FOXP2: variants seen among roughly 807,000 people sequenced by gnomAD.
FOXP2 encodes forkhead box protein P2.
FOXP2 carries 12 observed loss-of-function variants against 115.8 expected under a neutral mutation model. The ratio of observed to expected loss-of-function variants is 0.10; its 90% CI spans 0.07 to 0.17. The LOEUF is 0.17. Ranked by LOEUF, FOXP2 falls within the 10% of genes least tolerant of loss-of-function variation. The pLI is 1.00. For synonymous variants in FOXP2, 328 were observed against 297.7 expected (o/e 1.10, Z -1.05); for missense variants, 629 against 843.5 (o/e 0.75, Z 3.15).
At chr7:114,255,499 C>T (rs966215125) in intron 1 of FOXP2, among the ~76,000 whole-genome samples, 2 of 152,184 alleles carry the variant, frequency 1.3e-5, no homozygotes. Context: ...TGCGGGGGCG[C>T]CCGTCCCTCA....
In FOXP2 at chr7:114,120,704, G is replaced by A. The variant is rs552142556; in HGVS notation, c.-247+32866G>A. Among the ~76,000 whole-genome samples, 10 of 151,930 alleles carry A rather than the reference G, an allele frequency of 6.6e-5. No homozygotes were observed. The South Asian group carries it at 8.3e-4, about 13-fold the overall frequency. On this transcript the variant is annotated intron_variant, in intron 1 of 19. Transcript: ENST00000635638. ...TGTGTGTGTGTGTATATGTATGTGT[G>A]TGTGTGTGTGTGTATATATATGTAC...
At chr7:114,449,631 C>G (rs543428429) in intron 2 of FOXP2, among the ~76,000 whole-genome samples, 59 of 152,200 alleles carry the variant, frequency 3.9e-4, no homozygotes, top group Non-Finnish European at 6.3e-4. Context: ...ATCTTGAATA[C>G]TCACCAGTAT....
At chr7:114,609,548 T>A (rs2129317429) in intron 3 of FOXP2, among the ~76,000 whole-genome samples, 1 of 152,360 alleles carries the variant, frequency 6.6e-6, no homozygotes, top group East Asian at 1.9e-4. Flanking sequence ...GTGCTTGTCA[T>A]CTTCGATATA....
At chr7:114,474,893 T>C (rs1796191517) in intron 2 of FOXP2, among the ~76,000 whole-genome samples, 1 of 152,100 alleles carries the variant, frequency 6.6e-6, no homozygotes, top group Non-Finnish European at 1.5e-5. Context: ...TACACTACTG[T>C]TTTTGAATTG....
At chr7:114,119,849 C>T (rs1005672689) in intron 1 of FOXP2, among the ~76,000 whole-genome samples, 1 of 152,124 alleles carries the variant, frequency 6.6e-6, no homozygotes, top group African/African-American at 2.4e-5. Flanking sequence ...ACCTGCAGAA[C>T]TTGTTACAAA....
At chr7:114,254,203 C>A (rs1245576214) in intron 1 of FOXP2, among the ~76,000 whole-genome samples, 1 of 152,170 alleles carries the variant, frequency 6.6e-6, no homozygotes, top group Non-Finnish European at 1.5e-5. Context: ...GTAACCCGAC[C>A]TTTCTCTCTG....
At chr7:114,408,209 G>A (rs1284609662) in intron 2 of FOXP2, among the ~76,000 whole-genome samples, 1 of 152,088 alleles carries the variant, frequency 6.6e-6, no homozygotes, top group African/African-American at 2.4e-5. Context: ...AAAACTAAAT[G>A]TAACATAGTT....
intron 2 of FOXP2, among the ~76,000 whole-genome samples, chr7:114,302,719 A>G (rs1324547950): frequency 2.6e-5 from 4 of 152,188 alleles, no homozygotes; most frequent in Non-Finnish European, 5.9e-5. Context: ...TAGAATAATC[A>G]TTCCATAAAT....
chr7:114,489,881 T>C (rs1322773013), intron 2 of FOXP2, among the ~76,000 whole-genome samples: 1 of 152,074 alleles, frequency 6.6e-6, no homozygotes, highest in Admixed American at 6.6e-5. Context: ...AACGAGATAT[T>C]GCTGTGTATC....
intron 2 of FOXP2, among the ~76,000 whole-genome samples, chr7:114,502,298 C>A (rs1414683649): frequency 2.6e-5 from 4 of 151,964 alleles, no homozygotes; most frequent in African/African-American, 9.7e-5. Context: ...AAAAAAGAAA[C>A]TGACAGTGTT....
Position 114,606,226 on chromosome 7 carries a change from C to T in FOXP2, c.259-22314C>T, listed in dbSNP as rs142108614. Among the ~76,000 whole-genome samples, 18 of 152,236 alleles carry T rather than the reference C, an allele frequency of 1.2e-4. 2 individuals are homozygous for T. In the East Asian group the frequency reaches 3.5e-3, roughly 29 times the overall value. ...GGATCTACAGTAAAAGAAACCGTTT[C>T]ACAGATTCAGAATCAAGCACTGAGT... On this transcript the variant is annotated intron_variant, in intron 3 of 16. Coordinates refer to ENST00000350908, the MANE Select transcript of FOXP2 (RefSeq NM_014491.4).
intron 8 of FOXP2, among the ~76,000 whole-genome samples, chr7:114,651,921 TCTA>T (rs1806279476): frequency 6.6e-6 from 1 of 152,180 alleles, no homozygotes; most frequent in African/African-American, 2.4e-5. Context: ...TAATATGACT[TCTA>T]CTATAACTCT....
rs568802058 is a variant in FOXP2 at position 114,446,184 on chromosome 7, G to A, written c.168+19505G>A. On this transcript the variant is annotated intron_variant, in intron 2 of 16. Coordinates refer to ENST00000350908, the MANE Select transcript of FOXP2 (RefSeq NM_014491.4). ...AGATGATGTCAAAGAAGTTTTATAG[G>A]CTTTGATAATTTAATTACAATTCTA... Among the ~76,000 whole-genome samples, 7 of 152,022 alleles carry A rather than the reference G, an allele frequency of 4.6e-5. No individual in the cohort carries two copies. In the East Asian group the frequency reaches 1.4e-3, roughly 29 times the overall value.
chr7:114,434,438 TG>T (rs11350392), intron 2 of FOXP2, among the ~76,000 whole-genome samples: 101,682 of 131,462 alleles, frequency 0.77, 39,643 homozygotes, highest in African/African-American at 0.9. Flanking sequence ...TTAATATATA[TG>T]GGGGGGGGGG....
chr7:114,629,628 G>A lies in FOXP2; in HGVS notation c.397-177G>A, dbSNP rs766408289. 1.1e-5 allele frequency: 17 copies of A among 1,580,866 alleles called. No individual in the cohort carries two copies. In the East Asian group the frequency reaches 3.6e-4, roughly 33 times the overall value. ...TTCTGGATTGGAAAATTTCAGAGCTGCCTTGGAAAAAAATGTATGTAGAGC... is the reference window on the plus strand; with the variant it reads ...TTCTGGATTGGAAAATTTCAGAGCTACCTTGGAAAAAAATGTATGTAGAGC... On this transcript the variant is annotated intron_variant, in intron 4 of 16. Coordinates refer to ENST00000350908, the MANE Select transcript of FOXP2 (RefSeq NM_014491.4).
intron 2 of FOXP2, among the ~76,000 whole-genome samples, chr7:114,432,718 T>C (rs1410682209): frequency 6.6e-6 from 1 of 151,932 alleles, no homozygotes; most frequent in African/African-American, 2.4e-5. Flanking sequence ...ATGAATTCTG[T>C]TTCAGAGTTA....
intron 1 of FOXP2, among the ~76,000 whole-genome samples, chr7:114,282,958 G>A (rs928991343): frequency 3.9e-5 from 6 of 152,112 alleles, no homozygotes; most frequent in African/African-American, 1.4e-4. Flanking sequence ...AGGCACTGCT[G>A]CCTCCTGAGA....
chr7:114,359,134 G>A (rs1214710115), intron 2 of FOXP2, among the ~76,000 whole-genome samples: 1 of 152,158 alleles, frequency 6.6e-6, no homozygotes, highest in Non-Finnish European at 1.5e-5. Flanking sequence ...GGGACTTGGT[G>A]ACTTGTGTCC....
intron 2 of FOXP2, among the ~76,000 whole-genome samples, chr7:114,502,751 A>C (rs1797625107): frequency 6.6e-6 from 1 of 152,056 alleles, no homozygotes; most frequent in Admixed American, 6.6e-5. Context: ...CCTGGGATAT[A>C]AATGACTGAA....
Sources: gnomAD v4.1 joint callset for allele counts (sites outside exome capture counted in the v4.1 genomes callset) on GRCh38, gnomAD v4.1.1 for gene constraint, MANE v1.5 for transcripts, NCBI Gene and HGNC (gene_info 2026-07-23, HGNC 2026-07-21) for gene names.